Variants in PPP2R2C observed in about 807,000 individuals in gnomAD.
PPP2R2C encodes the protein protein phosphatase 2 regulatory subunit Bgamma, also known as protein phosphatase 2, regulatory subunit B, gamma.
PPP2R2C carries 10 observed loss-of-function variants against 45.3 expected under a neutral mutation model. That is an observed-to-expected ratio of 0.22 (90% confidence interval 0.14 to 0.37). The LOEUF (loss-of-function observed/expected upper bound fraction) is 0.37. PPP2R2C is among the 10% of genes least tolerant of loss of function. PPP2R2C has a pLI of 1.00. For missense variants in PPP2R2C, 308 were observed against 619.7 expected (o/e 0.50, Z 5.34); for synonymous variants, 257 against 245.4 (o/e 1.05, Z -0.44).
At chr4:6,495,779 G>C (rs921218491) in intron 2 of PPP2R2C, among the ~76,000 whole-genome samples, 1 of 152,230 alleles carries the variant, frequency 6.6e-6, no homozygotes, top group Non-Finnish European at 1.5e-5. Flanking sequence ...AGTTTCTCCT[G>C]CTGGATAACT....
intron 1 of PPP2R2C, chr4:6,383,140 G>A: frequency 8.6e-7 from 1 of 1,159,592 alleles, no homozygotes; most frequent in South Asian, 1.7e-5. Flanking sequence ...GGTACTGGGG[G>A]TTGCCATCAA....
rs113666601 is a variant in PPP2R2C, at chr4:6,481,542, C to A, written c.49+53729G>T. Among the ~76,000 whole-genome samples, 1,417 of 152,256 alleles carry A rather than the reference C, an allele frequency of 9.3e-3. 29 individuals are homozygous for A. The highest frequency in any genetic ancestry group is 0.033 in the African/African-American group (1,355 of 41,542). On this transcript the variant is annotated intron_variant, in intron 2 of 9. Coordinates refer to the PPP2R2C transcript ENST00000506140. ...TGTCTGGCCCATGTGGCAGTACTAC[C>A]CTGCCGTAGAGAGACAGCTTTATAA...
intron 2 of PPP2R2C, among the ~76,000 whole-genome samples, chr4:6,493,073 C>T (rs960766801): frequency 1.3e-5 from 2 of 152,102 alleles, no homozygotes; most frequent in African/African-American, 4.8e-5. Flanking sequence ...TATTTCCTCC[C>T]CTGGGCCATT....
At chr4:6,336,371 C>T (rs905825789) in intron 6 of PPP2R2C, among the ~76,000 whole-genome samples, 5 of 152,050 alleles carry the variant, frequency 3.3e-5, no homozygotes, top group African/African-American at 9.7e-5. Context: ...TGAGGCCGCT[C>T]GCAGAGGGAG....
chr4:6,362,284 G>A (rs1156771803), intron 5 of PPP2R2C, among the ~76,000 whole-genome samples: 1 of 152,152 alleles, frequency 6.6e-6, no homozygotes, highest in Non-Finnish European at 1.5e-5. Context: ...GCTGGGAGTG[G>A]CAGGACCCAT....
intron 1 of PPP2R2C, among the ~76,000 whole-genome samples, chr4:6,387,047 C>T (rs1180241809): frequency 6.6e-6 from 1 of 151,800 alleles, no homozygotes; most frequent in Non-Finnish European, 1.5e-5. Context: ...ATTACCCAGT[C>T]TGAAGAATAG....
At position 6,419,215 on chromosome 4, in the gene PPP2R2C, C is replaced by T. The variant is rs150578738; in HGVS notation, c.71-38121G>A. ...GGCGGATCACCTGAGGTAGGGAGTT[C>T]GAGACCAGCCTGGCCAACGTGGTGA... On this transcript the variant is annotated intron_variant, in intron 1 of 8. Coordinates refer to ENST00000382599, the MANE Select transcript of PPP2R2C (RefSeq NM_020416.4). 4.9e-3 allele frequency among the ~76,000 whole-genome samples: 751 copies of T among 152,220 alleles called. 19 individuals carry two copies. The East Asian group carries it at 0.07, about 14-fold the overall frequency.
rs148844412 is a variant in PPP2R2C at position 6,383,375 on chromosome 4, G to A, written c.71-2281C>T. The stretch of plus-strand genomic sequence containing the variant: ...TTTACTGTTGTATGCACGGGGTCTC[G>A]TGTTTTTAACTCAGCAAAAGGTACC... On this transcript the variant is annotated intron_variant, in intron 1 of 8. Transcript: ENST00000382599. 629 of 1,289,834 alleles carry A rather than the reference G, an allele frequency of 4.9e-4. 3 individuals carry two copies. In the African/African-American group the frequency reaches 7.5e-3, roughly 15 times the overall value. The allele number at this position is 1,289,834 out of a possible 1,614,324, so 79.9% of individuals were successfully genotyped here.
At chr4:6,333,062 G>A (rs1302692761) in intron 7 of PPP2R2C, among the ~76,000 whole-genome samples, 1 of 152,182 alleles carries the variant, frequency 6.6e-6, no homozygotes, top group African/African-American at 2.4e-5. Context: ...TCCAAGAAGG[G>A]CCCAGGCTTC....
intron 6 of PPP2R2C, among the ~76,000 whole-genome samples, chr4:6,337,112 G>GTGTGTGTGTATATA (rs1202845732): frequency 2.7e-4 from 8 of 30,108 alleles, no homozygotes; most frequent in African/African-American, 8.2e-4. Context: ...ATGTGTGTGT[G>GTGTGTGTGTATATA]TATATATATA....
chr4:6,553,729 T>G (rs1725263549), intron 1 of PPP2R2C, among the ~76,000 whole-genome samples: 1 of 152,226 alleles, frequency 6.6e-6, no homozygotes, highest in African/African-American at 2.4e-5. Flanking sequence ...ATCTCTATGT[T>G]CAGGGCTGCC....
chr4:6,399,836 G>C (rs187341829), intron 1 of PPP2R2C, among the ~76,000 whole-genome samples: 267 of 152,370 alleles, frequency 1.8e-3, no homozygotes, highest in African/African-American at 5.8e-3. Flanking sequence ...GTCAAATGCA[G>C]AACGTCCAGT....
At chr4:6,546,857 C>G (rs1309296904) in intron 1 of PPP2R2C, among the ~76,000 whole-genome samples, 1 of 152,048 alleles carries the variant, frequency 6.6e-6, no homozygotes, top group East Asian at 1.9e-4. Flanking sequence ...GGGGCTCTGC[C>G]GAGGGTCAGC....
chr4:6,474,146 C>A (rs1473054922), upstream of PPP2R2C, among the ~76,000 whole-genome samples: 1 of 152,106 alleles, frequency 6.6e-6, no homozygotes, highest in Non-Finnish European at 1.5e-5. Flanking sequence ...CATTGGCCCC[C>A]ACCCACCTGG....
intron 2 of PPP2R2C, among the ~76,000 whole-genome samples, chr4:6,506,526 G>T (rs1723241129): frequency 6.6e-6 from 1 of 152,168 alleles, no homozygotes; most frequent in Non-Finnish European, 1.5e-5. Flanking sequence ...TCTGAGAAGT[G>T]ACTTCAAAGA....
intron 1 of PPP2R2C, among the ~76,000 whole-genome samples, chr4:6,470,718 C>T (rs528967231): frequency 3.3e-5 from 5 of 152,318 alleles, no homozygotes; most frequent in African/African-American, 9.6e-5. Flanking sequence ...TCAGCCTCGC[C>T]GAAGCAGGCG....
At chr4:6,376,181 T>C (rs1715286417) in intron 3 of PPP2R2C, among the ~76,000 whole-genome samples, 1 of 152,212 alleles carries the variant, frequency 6.6e-6, no homozygotes, top group South Asian at 2.1e-4. Context: ...CCTTTCTCTT[T>C]CTCACTCTCA....
intron 1 of PPP2R2C, among the ~76,000 whole-genome samples, chr4:6,545,196 G>C (rs1560614265): frequency 1.3e-5 from 2 of 152,146 alleles, no homozygotes; most frequent in Non-Finnish European, 2.9e-5. Flanking sequence ...TAGTTTTTAG[G>C]GATTTGTTAA....
chr4:6,553,076 G>A (rs1379735411), intron 1 of PPP2R2C, among the ~76,000 whole-genome samples: 2 of 152,226 alleles, frequency 1.3e-5, no homozygotes, highest in African/African-American at 4.8e-5. Flanking sequence ...AGGACAGGAG[G>A]CTGTTACTCC....
Sources: allele counts gnomAD v4.1 joint callset (sites outside exome capture counted in the v4.1 genomes callset), GRCh38; gene constraint gnomAD v4.1.1; transcripts MANE v1.5; gene names NCBI Gene and HGNC (gene_info 2026-07-23, HGNC 2026-07-21).